The following SNX7 variants were observed in gnomAD, a reference collection of about 807,000 sequenced individuals.
SNX7 encodes sorting nexin-7.
SNX7 carries 35 observed loss-of-function variants against 48.4 expected under a neutral mutation model. The observed-to-expected ratio is 0.72, with a 90% CI of 0.55 to 0.96. The LOEUF (loss-of-function observed/expected upper bound fraction) is 0.96, where lower values mean the gene tolerates loss of function less well. Ranked by LOEUF, SNX7 falls within the 40% of genes least tolerant of loss-of-function variation. SNX7 has a pLI of 0.00. For missense variants in SNX7, 553 were observed against 548.9 expected, an observed-to-expected ratio of 1.01 and a Z score of -0.07; for synonymous variants, 190 against 190.2, an observed-to-expected ratio of 1.00 and a Z score of 0.01.
At chr1:98,669,353 G>C (rs1388170683) in intron 1 of SNX7, among the ~76,000 whole-genome samples, 1 of 152,152 alleles carries the variant, frequency 6.6e-6, no homozygotes, top group Non-Finnish European at 1.5e-5. Flanking sequence ...TATTGAAATA[G>C]CCTCATAAGG....
At position 98,707,663 on chromosome 1, in the gene SNX7, A is replaced by G. The variant is rs376002688; in HGVS notation, c.1125+5760A>G. 4.1e-4 allele frequency among the ~76,000 whole-genome samples: 63 copies of G among 152,368 alleles called. 1 individual carries two copies. The South Asian group carries it at 0.012, about 30-fold the overall frequency. ...TTTCCACTGAAAGCAGCATTCAAAT[A>G]TAAATGAATATGAATACATTTGACA... is the stretch of plus-strand genomic sequence containing the variant. On this transcript the variant is annotated intron_variant, in intron 7 of 8. Coordinates refer to ENST00000306121, the MANE Select transcript of SNX7 (RefSeq NM_015976.5).
intron 4 of SNX7, 49 bp downstream of exon 4, chr1:98,691,748 A>AT: frequency 7.1e-7 from 1 of 1,401,562 alleles, no homozygotes; most frequent in Non-Finnish European, 9.6e-7. Flanking sequence ...GTCTGTATCT[A>AT]TAGTAGATTG....
At chr1:98,759,771 C>T (rs1359630487) in intron 8 of SNX7, among the ~76,000 whole-genome samples, 5 of 152,034 alleles carry the variant, frequency 3.3e-5, no homozygotes, top group Admixed American at 1.3e-4. Context: ...GCCTCTATAA[C>T]GTGAAGCTCT....
At chr1:98,739,953 G>A (rs1653989894) in intron 8 of SNX7, among the ~76,000 whole-genome samples, 1 of 152,150 alleles carries the variant, frequency 6.6e-6, no homozygotes. Context: ...CTGTACATGG[G>A]TCAGAGTTAG....
At chr1:98,722,090 G>A (rs1172932292) in intron 7 of SNX7, among the ~76,000 whole-genome samples, 1 of 152,038 alleles carries the variant, frequency 6.6e-6, no homozygotes, top group Non-Finnish European at 1.5e-5. Context: ...TGATTTGAGG[G>A]ATGTTAATGG....
At chr1:98,694,067 G>A (rs1428078247) in intron 4 of SNX7, among the ~76,000 whole-genome samples, 4 of 152,072 alleles carry the variant, frequency 2.6e-5, no homozygotes, top group East Asian at 1.9e-4. Flanking sequence ...AACTAGTTTC[G>A]TATCTTATTA....
chr1:98,741,052 CACTA>C (rs1295164475), intron 8 of SNX7, among the ~76,000 whole-genome samples: 6 of 152,258 alleles, frequency 3.9e-5, no homozygotes, highest in East Asian at 1.9e-4. Context: ...AACAATCTGT[CACTA>C]ACTATTAATA....
intron 7 of SNX7, among the ~76,000 whole-genome samples, chr1:98,714,424 C>T (rs149326431): frequency 3.3e-4 from 37 of 111,408 alleles, no homozygotes; most frequent in African/African-American, 9.2e-4. Flanking sequence ...TGAAAAAGCC[C>T]GTCTCCCTAG....
chr1:98,750,054 T>C (rs1654506660), intron 8 of SNX7, among the ~76,000 whole-genome samples: 1 of 152,064 alleles, frequency 6.6e-6, no homozygotes, highest in African/African-American at 2.4e-5. Context: ...TGGCTTAATA[T>C]GGGAATTTCC....
intron 5 of SNX7, among the ~76,000 whole-genome samples, chr1:98,696,548 G>A (rs1651470786): frequency 6.6e-6 from 1 of 151,980 alleles, no homozygotes; most frequent in Non-Finnish European, 1.5e-5. Context: ...AGGAAAAGGT[G>A]CTTTATTAAG....
intron 7 of SNX7, among the ~76,000 whole-genome samples, chr1:98,728,720 G>A (rs575686456): frequency 1.0e-3 from 158 of 152,180 alleles, no homozygotes; most frequent in African/African-American, 3.7e-3. Context: ...AATGGTAAAG[G>A]GTTCATTTCA....
intron 1 of SNX7, among the ~76,000 whole-genome samples, chr1:98,664,246 C>G (rs1649420840): frequency 6.6e-6 from 1 of 152,154 alleles, no homozygotes; most frequent in African/African-American, 2.4e-5. Flanking sequence ...GTATACTCTT[C>G]CAGAAGCTTT....
intron 1 of SNX7, among the ~76,000 whole-genome samples, chr1:98,682,076 CT>C (rs1650526868): frequency 1.2e-5 from 1 of 80,270 alleles, no homozygotes; most frequent in African/African-American, 4.1e-5. Context: ...GTTTTCTTTT[CT>C]TCCTTTTTTT....
chr1:98,696,627 T>C (rs1651474545), intron 5 of SNX7, among the ~76,000 whole-genome samples: 1 of 152,094 alleles, frequency 6.6e-6, no homozygotes, highest in Non-Finnish European at 1.5e-5. Flanking sequence ...CTTTTCTAAC[T>C]TTTTTTCATG....
At chr1:98,755,240 A>T (rs1266299810) in intron 8 of SNX7, among the ~76,000 whole-genome samples, 2 of 152,066 alleles carry the variant, frequency 1.3e-5, no homozygotes, top group East Asian at 1.9e-4. Flanking sequence ...ATATTGGTAA[A>T]TGTTTTATGG....
chr1:98,695,222 CTCAT>C (rs1651386470), intron 4 of SNX7, among the ~76,000 whole-genome samples: 1 of 152,094 alleles, frequency 6.6e-6, no homozygotes, highest in South Asian at 2.1e-4. Context: ...CCTCTAGTAT[CTCAT>C]TGAGCACTAT....
At chr1:98,690,934 T>C (rs1294292119) in intron 2 of SNX7, 141 bp from the exon 3 acceptor site, 2 of 454,958 alleles carry the variant, frequency 4.4e-6, no homozygotes, top group Admixed American at 8.6e-5. Context: ...AGAAAAAAAT[T>C]ACAGGCTGAC....
intron 1 of SNX7, among the ~76,000 whole-genome samples, chr1:98,679,388 C>A (rs1570500675): frequency 6.6e-6 from 1 of 152,078 alleles, no homozygotes; most frequent in African/African-American, 2.4e-5. Flanking sequence ...GGGGACACAG[C>A]CAAACCATAT....
chr1:98,704,423 G>T (rs528042398), intron 7 of SNX7, among the ~76,000 whole-genome samples: 1 of 152,214 alleles, frequency 6.6e-6, no homozygotes, highest in East Asian at 1.9e-4. Flanking sequence ...TTTGTGAATG[G>T]AACTGTTTAT....
Sources: gnomAD v4.1 joint callset for allele counts (sites outside exome capture counted in the v4.1 genomes callset) on GRCh38, gnomAD v4.1.1 for gene constraint, MANE v1.5 for transcripts, NCBI Gene and HGNC (gene_info 2026-07-23, HGNC 2026-07-21) for gene names.